Variants in RBPJ observed in about 807,000 individuals in gnomAD.
The protein encoded by RBPJ is recombining binding protein suppressor of hairless.
Under a neutral mutation model 67.8 loss-of-function variants are expected in RBPJ, and 9 were observed. The observed-to-expected ratio is 0.13, with a 90% CI of 0.08 to 0.23. The LOEUF (loss-of-function observed/expected upper bound fraction) is 0.23. Ranked by LOEUF, RBPJ falls within the 10% of genes least tolerant of loss-of-function variation. The probability of loss-of-function intolerance (pLI) is 1.00; values close to 1 mark genes in which losing one functional copy is unlikely to be tolerated. For missense variants in RBPJ, 305 were observed against 595.6 expected (o/e 0.51, Z 5.08); for synonymous variants, 198 against 203.3 (o/e 0.97, Z 0.22).
In RBPJ at chr4:26,263,877, T is replaced by G. The variant is rs573531583; in HGVS notation, c.-166-98569T>G. On this transcript the variant is annotated intron_variant, in intron 1 of 4. Coordinates refer to the RBPJ transcript ENST00000512351. The stretch of plus-strand genomic sequence containing the variant: ...GAGCCACAGCACCCAGTCTTTTTTT[T>G]TTTTGTTTTTGTTTTGAGATAGAGT... 1.1e-3 allele frequency among the ~76,000 whole-genome samples: 172 copies of G among 150,116 alleles called. No individual in the cohort carries two copies. The Middle Eastern group carries it at 0.014, about 12-fold the overall frequency.
upstream of RBPJ, among the ~76,000 whole-genome samples, chr4:26,161,689 G>A (rs7667399): frequency 2.3e-4 from 35 of 152,222 alleles, no homozygotes; most frequent in African/African-American, 8.4e-4. Context: ...CAGATACAAA[G>A]GCAACAGCAC....
chr4:26,161,534 C>A (rs1396636940), upstream of RBPJ, among the ~76,000 whole-genome samples: 1 of 152,180 alleles, frequency 6.6e-6, no homozygotes, highest in African/African-American at 2.4e-5. Flanking sequence ...ACTGTGAACA[C>A]CAACACTGCA....
chr4:26,348,414 C>T (rs1726398126), intron 1 of RBPJ, among the ~76,000 whole-genome samples: 1 of 152,142 alleles, frequency 6.6e-6, no homozygotes, highest in Non-Finnish European at 1.5e-5. Flanking sequence ...AAAGATATTA[C>T]TTGTCTTTGG....
intron 2 of RBPJ, among the ~76,000 whole-genome samples, chr4:26,401,108 A>G (rs141813695): frequency 6.6e-6 from 1 of 152,318 alleles, no homozygotes; most frequent in African/African-American, 2.4e-5. Context: ...AATAATAGTA[A>G]TAGCTCGAGG....
chr4:26,356,715 T>G (rs1444582042), intron 1 of RBPJ, among the ~76,000 whole-genome samples: 3 of 152,270 alleles, frequency 2.0e-5, no homozygotes, highest in African/African-American at 4.8e-5. Flanking sequence ...AGTTCCCATT[T>G]GGTGCCCAAC....
chr4:26,353,123 T>C (rs553019150), intron 1 of RBPJ, among the ~76,000 whole-genome samples: 6 of 152,362 alleles, frequency 3.9e-5, no homozygotes, highest in African/African-American at 1.4e-4. Flanking sequence ...TTCAGCCTTT[T>C]TTCTTAAAAT....
At chr4:26,135,498 C>T in the RBPJ span, among the ~76,000 whole-genome samples, 3 of 151,956 alleles carry the variant, frequency 2.0e-5, no homozygotes, top group African/African-American at 7.3e-5. Context: ...GGAAACCGAG[C>T]TCCAGTGGGT....
rs1376322817 is a variant in RBPJ at position 26,424,239 on chromosome 4, A to G, written c.497-103A>G. The stretch of plus-strand genomic sequence containing the variant: ...AAAATATTTGTCAAACTGTTAAATG[A>G]TAAGAAAGAATAATTATACACTGCC... On this transcript the variant is annotated intron_variant, in intron 5 of 10. Coordinates refer to ENST00000355476, the MANE Select transcript of RBPJ (RefSeq NM_015874.6). This position sits in a 1 kb window ranked among gnomAD's most constrained non-coding sequence, Gnocchi z 5.3. 3.7e-6 allele frequency: 4 copies of G among 1,092,818 alleles called. No homozygotes were observed. The highest frequency in any genetic ancestry group is 3.0e-5 in the South Asian group (2 of 66,628). 67.7% of individuals were successfully genotyped at this position (1,092,818 alleles called of 1,614,324 possible). A position where few individuals can be genotyped will look rare whatever the true frequency, so the allele number is the denominator to read the frequency against.
chr4:26,162,907 G>A (rs918248874), upstream of RBPJ, among the ~76,000 whole-genome samples: 1 of 152,158 alleles, frequency 6.6e-6, no homozygotes, highest in Non-Finnish European at 1.5e-5. Context: ...GTTATAGATG[G>A]TTGTCACCAG....
intron 1 of RBPJ, among the ~76,000 whole-genome samples, chr4:26,280,406 A>G (rs1414700158): frequency 1.3e-5 from 2 of 151,398 alleles, no homozygotes; most frequent in Non-Finnish European, 2.9e-5. Context: ...AAAAAAAAAA[A>G]AAAAAAAAAA....
intron 1 of RBPJ, among the ~76,000 whole-genome samples, chr4:26,251,554 T>C (rs911412969): frequency 5.3e-5 from 8 of 149,562 alleles, no homozygotes; most frequent in African/African-American, 2.0e-4. Flanking sequence ...GAGAATTGCT[T>C]GAACATGGGA....
chr4:26,346,062 A>G (rs1057185838), intron 1 of RBPJ, among the ~76,000 whole-genome samples: 3 of 152,176 alleles, frequency 2.0e-5, no homozygotes, highest in African/African-American at 7.2e-5. Flanking sequence ...CTACATGTAT[A>G]TTTATGCTAG....
chr4:26,153,320 A>G, the RBPJ span, among the ~76,000 whole-genome samples: 1 of 152,250 alleles, frequency 6.6e-6, no homozygotes, highest in East Asian at 1.9e-4. Flanking sequence ...CCGTTAATGC[A>G]GTGAAAAAAT....
At chr4:26,336,238 T>C (rs1363201520) in intron 1 of RBPJ, among the ~76,000 whole-genome samples, 1 of 152,210 alleles carries the variant, frequency 6.6e-6, no homozygotes, top group Non-Finnish European at 1.5e-5. Flanking sequence ...GGGGTAAATT[T>C]CCTTCCAAAC....
At chr4:26,117,541 A>G in the RBPJ span, among the ~76,000 whole-genome samples, 17 of 152,316 alleles carry the variant, frequency 1.1e-4, no homozygotes, top group African/African-American at 3.6e-4. Flanking sequence ...AGTGACAAGC[A>G]GAAAACAAAC....
At chr4:26,218,085 G>A (rs1359299447) in intron 1 of RBPJ, among the ~76,000 whole-genome samples, 2 of 152,176 alleles carry the variant, frequency 1.3e-5, no homozygotes, top group African/African-American at 4.8e-5. Context: ...GAAGATCCAA[G>A]TCCCACTTCA....
chr4:26,275,119 T>C (rs1030431021), intron 1 of RBPJ, among the ~76,000 whole-genome samples: 2 of 152,116 alleles, frequency 1.3e-5, no homozygotes, highest in African/African-American at 4.8e-5. Context: ...CCCTATTTCA[T>C]AAATGAAGCA....
At chr4:26,227,489 T>G (rs1428240126) in intron 1 of RBPJ, among the ~76,000 whole-genome samples, 1 of 152,248 alleles carries the variant, frequency 6.6e-6, no homozygotes, top group Non-Finnish European at 1.5e-5. Flanking sequence ...TTATTAGTAC[T>G]CCACTAGTCT....
chr4:26,238,732 TC>T (rs879285616), intron 1 of RBPJ, among the ~76,000 whole-genome samples: 1 of 152,000 alleles, frequency 6.6e-6, no homozygotes, highest in Non-Finnish European at 1.5e-5. Context: ...TGGTCATAAT[TC>T]CGGAGAGCTT....
Sources: gnomAD v4.1 joint callset for allele counts (sites outside exome capture counted in the v4.1 genomes callset) on GRCh38, gnomAD v4.1.1 for gene constraint, Gnocchi (gnomAD v3.1) non-coding constraint, MANE v1.5 for transcripts, NCBI Gene and HGNC (gene_info 2026-07-23, HGNC 2026-07-21) for gene names.